LMBRD1: variants seen among roughly 807,000 people sequenced by gnomAD.
LMBRD1 encodes lysosomal cobalamin transport escort protein LMBD1.
LMBRD1 carries 64 observed loss-of-function variants against 74.8 expected under a neutral mutation model. The observed-to-expected ratio is 0.86, with a 90% CI of 0.70 to 1.05. The LOEUF (loss-of-function observed/expected upper bound fraction) is 1.05, where lower values mean the gene tolerates loss of function less well. Ranked by LOEUF, LMBRD1 falls within the 50% of genes least tolerant of loss-of-function variation. LMBRD1 has a pLI of 0.00. For synonymous variants in LMBRD1, 204 were observed against 216.3 expected, an observed-to-expected ratio of 0.94 and a Z score of 0.50; for missense variants, 652 against 645.9, an observed-to-expected ratio of 1.01 and a Z score of -0.10.
At chr6:69,781,153 A>G (rs1386330865) in intron 2 of LMBRD1, among the ~76,000 whole-genome samples, 1 of 152,190 alleles carries the variant, frequency 6.6e-6, no homozygotes, top group Admixed American at 6.5e-5. Context: ...AAAAACCTAC[A>G]GGAAAAATCA....
intron 7 of LMBRD1, among the ~76,000 whole-genome samples, chr6:69,734,557 G>A (rs569417027): frequency 5.3e-5 from 8 of 152,056 alleles, no homozygotes; most frequent in South Asian, 2.1e-4. Flanking sequence ...CACTAAGCCC[G>A]GCTAATTTTT....
In LMBRD1 at chr6:69,707,986, A is replaced by G. The variant is rs143549595; in HGVS notation, c.915+5659T>C. ...ACTGAGGCATATATATTTTACCACA[A>G]TAAAAAAATCTAAAAAATATATGCA... On this transcript the variant is annotated intron_variant, in intron 9 of 15. Coordinates refer to ENST00000649934, the MANE Select transcript of LMBRD1 (RefSeq NM_018368.4). Among the ~76,000 whole-genome samples the G allele has an allele frequency of 2.5e-3, 383 of 152,314 alleles. 9 individuals are homozygous for G. The South Asian group carries it at 0.046, about 18-fold the overall frequency.
At chr6:69,721,733 G>A (rs1280929654) in intron 7 of LMBRD1, among the ~76,000 whole-genome samples, 3 of 152,186 alleles carry the variant, frequency 2.0e-5, no homozygotes, top group Non-Finnish European at 2.9e-5. Context: ...GCCACAGTAA[G>A]GCAGAGCAAC....
At chr6:69,778,747 T>C (rs1278676909) in intron 3 of LMBRD1, among the ~76,000 whole-genome samples, 1 of 152,120 alleles carries the variant, frequency 6.6e-6, no homozygotes, top group African/African-American at 2.4e-5. Flanking sequence ...CAAAATTGTA[T>C]TTTATTATAT....
chr6:69,716,928 T>C (rs1345405054), intron 8 of LMBRD1, among the ~76,000 whole-genome samples: 5 of 151,410 alleles, frequency 3.3e-5, no homozygotes, highest in African/African-American at 1.2e-4. Flanking sequence ...TATTTATATG[T>C]ACAGGCACAT....
intron 3 of LMBRD1, among the ~76,000 whole-genome samples, chr6:69,764,413 C>T (rs992423569): frequency 2.0e-5 from 3 of 152,052 alleles, no homozygotes; most frequent in African/African-American, 7.2e-5. Context: ...GGAAGAAGGC[C>T]TTCATTACAA....
At chr6:69,721,534 C>T (rs1425330729) in intron 7 of LMBRD1, among the ~76,000 whole-genome samples, 1 of 152,146 alleles carries the variant, frequency 6.6e-6, no homozygotes, top group African/African-American at 2.4e-5. Flanking sequence ...TACCTGCTGA[C>T]TAAAGAGCCC....
At chr6:69,744,155 C>T (rs770194308) in intron 5 of LMBRD1, among the ~76,000 whole-genome samples, 27 of 151,824 alleles carry the variant, frequency 1.8e-4, no homozygotes, top group Middle Eastern at 3.4e-3. Context: ...TTAAAGTAAC[C>T]GAGAGTTAGA....
chr6:69,756,910 T>C (rs1765279284), intron 3 of LMBRD1, among the ~76,000 whole-genome samples: 1 of 152,186 alleles, frequency 6.6e-6, no homozygotes, highest in Admixed American at 6.5e-5. Flanking sequence ...CACCAAGGGC[T>C]AAGTTCCTAG....
chr6:69,742,263 T>C lies in LMBRD1; in HGVS notation c.474-386A>G, dbSNP rs183577573. On this transcript the variant is annotated intron_variant, in intron 5 of 15. Coordinates refer to ENST00000649934, the MANE Select transcript of LMBRD1 (RefSeq NM_018368.4). ...AAATCAGTAAAGCAGAATGTAAACATATGCAATTATTTAAGAAACAAAAGA... is the reference window on the plus strand; with the variant it reads ...AAATCAGTAAAGCAGAATGTAAACACATGCAATTATTTAAGAAACAAAAGA... Among the ~76,000 whole-genome samples the C allele has an allele frequency of 2.8e-4, 43 of 152,252 alleles. 1 individual carries two copies. The East Asian group carries it at 7.5e-3, about 27-fold the overall frequency.
At chr6:69,687,086 T>A (rs1765779331) in intron 14 of LMBRD1, among the ~76,000 whole-genome samples, 1 of 152,230 alleles carries the variant, frequency 6.6e-6, no homozygotes, top group Admixed American at 6.5e-5. Context: ...ATCTTCCAGA[T>A]ACTTTTCATT....
intron 3 of LMBRD1, 63 bp from the exon 4 acceptor site, chr6:69,752,419 A>G: frequency 2.3e-6 from 3 of 1,277,446 alleles, no homozygotes; most frequent in South Asian, 1.2e-5. Context: ...ATGGTTATCT[A>G]TCTATATGTA....
intron 3 of LMBRD1, among the ~76,000 whole-genome samples, chr6:69,761,738 A>G (rs1335218955): frequency 6.6e-6 from 1 of 152,174 alleles, no homozygotes; most frequent in African/African-American, 2.4e-5. Context: ...ACTACAATCC[A>G]GTTTTAGAAC....
chr6:69,688,105 C>T (rs750294124), intron 14 of LMBRD1, among the ~76,000 whole-genome samples: 2 of 152,066 alleles, frequency 1.3e-5, no homozygotes, highest in Non-Finnish European at 2.9e-5. Flanking sequence ...AAGGTATTAA[C>T]GAAGATATTA....
intron 3 of LMBRD1, among the ~76,000 whole-genome samples, chr6:69,775,002 G>C (rs145945050): frequency 3.7e-4 from 19 of 51,336 alleles, no homozygotes; most frequent in Non-Finnish European, 8.4e-4. Flanking sequence ...AGGGAGGGAG[G>C]GAGGGAGGGA....
chr6:69,721,743 C>T (rs576605594), intron 7 of LMBRD1, among the ~76,000 whole-genome samples: 1 of 152,310 alleles, frequency 6.6e-6, no homozygotes, highest in African/African-American at 2.4e-5. Context: ...GGCAGAGCAA[C>T]AAGCAGACTC....
intron 3 of LMBRD1, among the ~76,000 whole-genome samples, chr6:69,768,638 C>T (rs1765518824): frequency 6.6e-6 from 1 of 151,800 alleles, no homozygotes; most frequent in African/African-American, 2.4e-5. Context: ...AATATAGTGC[C>T]TTTATATTAA....
intron 6 of LMBRD1, among the ~76,000 whole-genome samples, 154 bp downstream of exon 6, chr6:69,741,635 C>T (rs931460210): frequency 6.6e-6 from 1 of 151,902 alleles, no homozygotes; most frequent in African/African-American, 2.4e-5. Context: ...CCACCCCCCA[C>T]CCCTCGGCCT....
At chr6:69,787,546 A>T (rs1246717042) in intron 2 of LMBRD1, among the ~76,000 whole-genome samples, 1 of 152,154 alleles carries the variant, frequency 6.6e-6, no homozygotes, top group Non-Finnish European at 1.5e-5. Flanking sequence ...GGAGTTCAAG[A>T]CCAGCCTGGC....
Sources: allele counts gnomAD v4.1 joint callset (sites outside exome capture counted in the v4.1 genomes callset), GRCh38; gene constraint gnomAD v4.1.1; transcripts MANE v1.5; gene names NCBI Gene and HGNC (gene_info 2026-07-23, HGNC 2026-07-21).